NAA11: variants seen among roughly 807,000 people sequenced by gnomAD.
NAA11 encodes N-alpha-acetyltransferase 11, NatA catalytic subunit.
NAA11 carries 15 observed loss-of-function variants against 16.1 expected under a neutral mutation model. The ratio of observed to expected loss-of-function variants is 0.93; its 90% CI spans 0.62 to 1.44. NAA11 has a LOEUF of 1.44. Ranked by LOEUF, NAA11 falls within the 40% of genes most tolerant of loss-of-function variation. NAA11 has a pLI of 0.00. For synonymous variants in NAA11, 122 were observed against 112.4 expected, an observed-to-expected ratio of 1.09 and a Z score of -0.54; for missense variants, 298 against 291.3, an observed-to-expected ratio of 1.02 and a Z score of -0.17.
At chr4:79,277,105 A>G (rs2109984383) in intron 2 of NAA11, among the ~76,000 whole-genome samples, 1 of 152,220 alleles carries the variant, frequency 6.6e-6, no homozygotes, top group Middle Eastern at 3.4e-3. Flanking sequence ...CCCAAACAAC[A>G]CTGCCTCTAA....
chr4:79,276,546 C>G (rs1722649097), intron 2 of NAA11, among the ~76,000 whole-genome samples: 1 of 152,156 alleles, frequency 6.6e-6, no homozygotes, highest in African/African-American at 2.4e-5. Flanking sequence ...GACCTGAAGA[C>G]ATGCAGTTAG....
Position 79,310,565 on chromosome 4 carries a change from C to T in NAA11, c.*12+14611G>A, listed in dbSNP as rs549174405. ...CGTTTACTTAGCACCTTAATTCCCGCACTTGCTTATAGACAGAAAATGCCT... is the reference window on the plus strand; with the variant it reads ...CGTTTACTTAGCACCTTAATTCCCGTACTTGCTTATAGACAGAAAATGCCT... On this transcript the variant is annotated intron_variant and NMD_transcript_variant, in intron 1 of 2. Coordinates refer to the NAA11 transcript ENST00000511542. 1.8e-3 allele frequency among the ~76,000 whole-genome samples: 277 copies of T among 152,326 alleles called. 8 individuals carry two copies. The South Asian group carries it at 0.056, about 31-fold the overall frequency.
At chr4:79,224,714 TG>T (rs1466289029), downstream of NAA11, among the ~76,000 whole-genome samples, 1 of 152,044 alleles carries the variant, frequency 6.6e-6, no homozygotes, top group East Asian at 1.9e-4. Flanking sequence ...GCAATGTATA[TG>T]ATAGAATTTT....
intron 1 of NAA11, among the ~76,000 whole-genome samples, chr4:79,309,722 T>TC (rs1723706712): frequency 7.2e-6 from 1 of 138,816 alleles, no homozygotes; most frequent in East Asian, 2.1e-4. Flanking sequence ...TTCTTTTTTT[T>TC]TTTTTTTTTT....
intron 1 of NAA11, chr4:79,305,173 A>G (rs750623946): frequency 6.6e-6 from 1 of 152,324 alleles, no homozygotes; most frequent in Non-Finnish European, 1.5e-5. Context: ...CACCTCTGAC[A>G]TATGACCAGG....
At chr4:79,295,404 TA>T (rs1366290752) in intron 1 of NAA11, among the ~76,000 whole-genome samples, 1 of 152,212 alleles carries the variant, frequency 6.6e-6, no homozygotes, top group African/African-American at 2.4e-5. Flanking sequence ...GATTGTTGAC[TA>T]AGGGATATTT....
intron 2 of NAA11, among the ~76,000 whole-genome samples, chr4:79,292,111 A>G (rs1253528829): frequency 1.3e-5 from 2 of 152,188 alleles, no homozygotes; most frequent in African/African-American, 2.4e-5. Context: ...TAGACATCAG[A>G]AACAGTTGAT....
At chr4:79,219,075 AC>A in the NAA11 span, among the ~76,000 whole-genome samples, 1 of 152,158 alleles carries the variant, frequency 6.6e-6, no homozygotes, top group African/African-American at 2.4e-5. Context: ...ATGCCCTTTT[AC>A]TTTTTTAAGT....
chr4:79,246,380 A>C, intron 2 of NAA11, among the ~76,000 whole-genome samples: 1 of 11,300 alleles, frequency 8.8e-5, no homozygotes, highest in African/African-American at 1.3e-4. Context: ...TAAATACTAA[A>C]AAAAAAAAAA....
chr4:79,245,738 G>A (rs1200883198), intron 2 of NAA11, among the ~76,000 whole-genome samples: 7 of 149,834 alleles, frequency 4.7e-5, no homozygotes, highest in Admixed American at 2.6e-4. Flanking sequence ...GGGCGCCCCC[G>A]CCCGGCAGCC....
intron 1 of NAA11, 41 bp from the exon 2 acceptor site, chr4:79,317,832 C>G (rs1439477331): frequency 6.6e-6 from 1 of 152,204 alleles, no homozygotes; most frequent in Non-Finnish European, 1.5e-5. Context: ...AAAGGGAGAG[C>G]TATAAGCTCT....
chr4:79,157,824 C>A, the NAA11 span, among the ~76,000 whole-genome samples: 1 of 151,058 alleles, frequency 6.6e-6, no homozygotes, highest in Non-Finnish European at 1.5e-5. Flanking sequence ...CTAGCCAGAG[C>A]AATCACACAA....
At chr4:79,265,343 G>A (rs1223626507) in intron 2 of NAA11, among the ~76,000 whole-genome samples, 1 of 152,084 alleles carries the variant, frequency 6.6e-6, no homozygotes, top group African/African-American at 2.4e-5. Flanking sequence ...TCACCACACA[G>A]CAGCAGGGTA....
At chr4:79,196,530 C>G in the NAA11 span, among the ~76,000 whole-genome samples, 58 of 151,994 alleles carry the variant, frequency 3.8e-4, no homozygotes, top group African/African-American at 1.3e-3. Context: ...TTTTAGGGGA[C>G]TTGTCCAATT....
At chr4:79,264,059 T>C (rs1722293246) in intron 2 of NAA11, among the ~76,000 whole-genome samples, 1 of 152,138 alleles carries the variant, frequency 6.6e-6, no homozygotes, top group Non-Finnish European at 1.5e-5. Context: ...GCCCTCCCAA[T>C]ATTTAACTTT....
intron 2 of NAA11, among the ~76,000 whole-genome samples, chr4:79,267,715 C>T (rs962111846): frequency 1.3e-5 from 2 of 152,030 alleles, no homozygotes; most frequent in Non-Finnish European, 2.9e-5. Flanking sequence ...GGTGTGACAC[C>T]ACAGGTAGAG....
chr4:79,190,231 C>A, the NAA11 span, among the ~76,000 whole-genome samples: 23 of 151,930 alleles, frequency 1.5e-4, no homozygotes, highest in East Asian at 4.3e-3. Context: ...AAATTGAATT[C>A]GTTTGAAGAA....
At chr4:79,316,429 GA>G (rs2110014152), downstream of NAA11, among the ~76,000 whole-genome samples, 1 of 152,264 alleles carries the variant, frequency 6.6e-6, no homozygotes, top group South Asian at 2.1e-4. Flanking sequence ...CCATTAGGCA[GA>G]CATTCTTAGA....
At chr4:79,204,008 A>G in the NAA11 span, among the ~76,000 whole-genome samples, 2 of 151,878 alleles carry the variant, frequency 1.3e-5, no homozygotes, top group Non-Finnish European at 2.9e-5. Flanking sequence ...AATAATATTC[A>G]TTTTTGTGAG....
Sources: allele counts gnomAD v4.1 joint callset (sites outside exome capture counted in the v4.1 genomes callset), GRCh38; gene constraint gnomAD v4.1.1; transcripts MANE v1.5; gene names NCBI Gene and HGNC (gene_info 2026-07-23, HGNC 2026-07-21).